The following PCDHA2 variants were observed in gnomAD, a reference collection of about 807,000 sequenced individuals.
PCDHA2 encodes protocadherin alpha-2.
A neutral mutation model predicts 66.0 loss-of-function variants in PCDHA2; 58 were observed. The ratio of observed to expected loss-of-function variants is 0.88; its 90% CI spans 0.71 to 1.09. PCDHA2 has a LOEUF of 1.09. Among genes scored for constraint, PCDHA2 ranks in the 50% least tolerant of loss-of-function variants. PCDHA2 has a pLI of 0.00. For synonymous variants in PCDHA2, 634 were observed against 554.0 expected (o/e 1.14, Z -2.03); for missense variants, 1,267 against 1,242.3 (o/e 1.02, Z -0.30).
chr5:140,971,263 C>T (rs1554233162), intron 1 of PCDHA2, among the ~76,000 whole-genome samples: 1 of 152,186 alleles, frequency 6.6e-6, no homozygotes, highest in African/African-American at 2.4e-5. Flanking sequence ...CTATTTCTGT[C>T]TTACACTGAC....
At chr5:140,889,160 A>T (rs1582978614) in intron 1 of PCDHA2, among the ~76,000 whole-genome samples, 1 of 151,778 alleles carries the variant, frequency 6.6e-6, no homozygotes, top group Middle Eastern at 3.4e-3. Context: ...TTCTTTGTTA[A>T]GTATTCAAGT....
At chr5:140,857,677 T>A (rs377237803) in intron 1 of PCDHA2, 6 of 1,596,766 alleles carry the variant, frequency 3.8e-6, no homozygotes, top group Non-Finnish European at 4.3e-6. Flanking sequence ...GCGTGCCGCC[T>A]CTGGGCAGCA....
chr5:140,889,086 A>G (rs1418981044), intron 1 of PCDHA2, among the ~76,000 whole-genome samples: 1 of 151,926 alleles, frequency 6.6e-6, no homozygotes, highest in Non-Finnish European at 1.5e-5. Flanking sequence ...TTAAATTTTC[A>G]AAACAATTTT....
chr5:141,009,705 G>A lies in PCDHA2; in HGVS notation c.2615G>A (p.Gly872Asp), dbSNP rs1554262289. Reference sequence around the variant, plus strand: ...AGCTGGACCTTTAAATACGGACCAGGCAACCCCAAACAATCCGGTCCCGGT... The same window carrying A: ...AGCTGGACCTTTAAATACGGACCAGACAACCCCAAACAATCCGGTCCCGGT... ...SNSWTFKYGPGNPKQSGPGEL... is the reference protein window; with the variant it reads ...SNSWTFKYGPDNPKQSGPGEL... Residue 872 changes from glycine (G) to aspartate (D), a missense_variant, in exon 4 of 4, where the codon GGC (glycine) becomes GAC (aspartate). Physicochemically the swap from Gly to Asp is moderately conservative, Grantham distance 94 (BLOSUM62 -1). Transcript: ENST00000526136. The A allele has an allele frequency of 6.2e-7, 1 of 1,614,106 alleles. No homozygotes were observed. Among genetic ancestry groups the A allele is most frequent in the Non-Finnish European group, 8.5e-7 (1 of 1,180,026 alleles).
chr5:140,809,334 T>G (rs782036778), intron 1 of PCDHA2: 2 of 1,613,974 alleles, frequency 1.2e-6, no homozygotes, highest in African/African-American at 2.7e-5. Context: ...CTCACGCTGC[T>G]GCTGTACACC....
chr5:141,007,349 G>C (rs532404832), intron 3 of PCDHA2, among the ~76,000 whole-genome samples: 204 of 144,744 alleles, frequency 1.4e-3, no homozygotes, highest in Middle Eastern at 0.011. Flanking sequence ...TCAGGAGTTC[G>C]AGACCAGCCT....
At chr5:140,826,677 T>TA (rs1447627266) in intron 1 of PCDHA2, among the ~76,000 whole-genome samples, 1 of 152,092 alleles carries the variant, frequency 6.6e-6, no homozygotes, top group Non-Finnish European at 1.5e-5. Context: ...TAGACGTAAT[T>TA]AAAAAAACCC....
chr5:140,830,048 G>C lies in PCDHA2; in HGVS notation c.2388+32696G>C, dbSNP rs2150180232. 24 of 1,613,674 alleles carry C rather than the reference G, an allele frequency of 1.5e-5. No homozygotes were observed. The highest frequency in any genetic ancestry group is 1.6e-4 in the Middle Eastern group (1 of 6,080). ...CCACCGGCTGCTGGTGCTGGTGAAA[G>C]ACCACGGTGAGCCGGCGCTGACAGC... On this transcript the variant is annotated intron_variant, in intron 1 of 3. Coordinates refer to ENST00000526136, the MANE Select transcript of PCDHA2 (RefSeq NM_018905.3).
intron 3 of PCDHA2, among the ~76,000 whole-genome samples, chr5:140,991,449 A>G (rs1405447405): frequency 6.6e-6 from 1 of 152,206 alleles, no homozygotes; most frequent in East Asian, 1.9e-4. Flanking sequence ...GCTTAAAACA[A>G]CACAATGTAT....
chr5:140,838,890 A>G (rs1775934707), intron 1 of PCDHA2, among the ~76,000 whole-genome samples: 1 of 152,012 alleles, frequency 6.6e-6, no homozygotes, highest in Non-Finnish European at 1.5e-5. Context: ...ACTCCAGCCT[A>G]GGTGACAGAG....
chr5:140,817,998 G>A (rs1396162096), intron 1 of PCDHA2, among the ~76,000 whole-genome samples: 2 of 152,038 alleles, frequency 1.3e-5, no homozygotes, highest in African/African-American at 2.4e-5. Context: ...TACTTACTCT[G>A]TTTTTCACTT....
chr5:141,001,020 TATA>T (rs539315208), intron 3 of PCDHA2, among the ~76,000 whole-genome samples: 5 of 152,250 alleles, frequency 3.3e-5, no homozygotes, highest in Non-Finnish European at 5.9e-5. Context: ...GATATACACT[TATA>T]ATAATAGCTT....
At chr5:140,859,551 A>G (rs1258931011) in intron 1 of PCDHA2, 1 of 180,640 alleles carries the variant, frequency 5.5e-6, no homozygotes, top group African/African-American at 2.4e-5. Flanking sequence ...AGTGTTACCA[A>G]ACACCAATGC....
intron 1 of PCDHA2, chr5:140,863,107 G>A (rs1554157777): frequency 1.7e-6 from 1 of 582,652 alleles, no homozygotes; most frequent in Admixed American, 1.9e-5. Flanking sequence ...TACCCTGGAC[G>A]AGGCGAAAGC....
chr5:140,808,124 A>G, intron 1 of PCDHA2: 1 of 1,614,134 alleles, frequency 6.2e-7, no homozygotes, highest in East Asian at 2.2e-5. Context: ...CTTTGAAGAA[A>G]GCAAATCCTA....
intron 1 of PCDHA2, chr5:140,968,520 C>A: frequency 6.2e-7 from 1 of 1,614,194 alleles, no homozygotes; most frequent in Non-Finnish European, 8.5e-7. Flanking sequence ...CCTACCTCAA[C>A]CAACTCGTCA....
chr5:140,821,556 G>C (rs1766999571), intron 1 of PCDHA2: 1 of 514,542 alleles, frequency 1.9e-6, no homozygotes, highest in African/African-American at 1.9e-5. Context: ...TCCACATGAT[G>C]TCGCTGGACA....
intron 1 of PCDHA2, among the ~76,000 whole-genome samples, chr5:140,973,059 A>G (rs2096570291): frequency 6.6e-6 from 1 of 152,062 alleles, no homozygotes; most frequent in African/African-American, 2.4e-5. Context: ...TTTGTCCAAC[A>G]GTGTCTCAGT....
In PCDHA2 at chr5:140,904,046, T is replaced by C. The variant is rs2153483198; in HGVS notation, c.2389-74903T>C. 2.0e-5 allele frequency among the ~76,000 whole-genome samples: 3 copies of C among 152,346 alleles called. No homozygotes were observed. The East Asian group carries it at 5.8e-4, about 29-fold the overall frequency. ...GTATAATTTAACTTTTTAATTTTTT[T>C]ATTTCAATGGGTTTTTGGGGAACAG... On this transcript the variant is annotated intron_variant, in intron 1 of 3. Coordinates refer to ENST00000526136, the MANE Select transcript of PCDHA2 (RefSeq NM_018905.3).
Sources: allele counts gnomAD v4.1 joint callset (sites outside exome capture counted in the v4.1 genomes callset), GRCh38; gene constraint gnomAD v4.1.1; transcripts MANE v1.5; gene names NCBI Gene and HGNC (gene_info 2026-07-23, HGNC 2026-07-21).